Variants in CATSPERE observed in about 807,000 individuals in gnomAD.
CATSPERE encodes the protein cation channel sperm-associated auxiliary subunit epsilon.
CATSPERE carries 93 observed loss-of-function variants against 114.1 expected under a neutral mutation model. The observed-to-expected ratio is 0.81, with a 90% confidence interval of 0.69 to 0.97. CATSPERE has a LOEUF of 0.97. CATSPERE is among the 50% of genes least tolerant of loss of function. CATSPERE has a pLI of 0.00. For missense variants in CATSPERE, 1,058 were observed against 1,131.6 expected (o/e 0.93, Z 0.93); for synonymous variants, 341 against 384.1 (o/e 0.89, Z 1.31).
chr1:244,462,761 G>C (rs572449284), intron 1 of CATSPERE, among the ~76,000 whole-genome samples: 1 of 152,034 alleles, frequency 6.6e-6, no homozygotes. Flanking sequence ...ACTGATTTCC[G>C]TTAAACATAA....
At chr1:244,584,621 C>T (rs1311603853) in intron 13 of CATSPERE, among the ~76,000 whole-genome samples, 5 of 152,058 alleles carry the variant, frequency 3.3e-5, no homozygotes, top group Non-Finnish European at 7.4e-5. Flanking sequence ...CACGTCTCCT[C>T]TCTCTATTAC....
chr1:244,627,103 T>C (rs1311246469), intron 20 of CATSPERE, among the ~76,000 whole-genome samples: 1 of 152,130 alleles, frequency 6.6e-6, no homozygotes, highest in Non-Finnish European at 1.5e-5. Context: ...AGGTTATTAA[T>C]TGGTCTAACT....
intron 21 of CATSPERE, among the ~76,000 whole-genome samples, chr1:244,637,863 A>G (rs1180997888): frequency 6.6e-6 from 1 of 152,252 alleles, no homozygotes; most frequent in Non-Finnish European, 1.5e-5. Flanking sequence ...ATTAGAAACC[A>G]TCAGACAGGA....
chr1:244,639,976 C>T lies in CATSPERE; in HGVS notation c.2751C>T (p.Leu917=), dbSNP rs1675161224. The change falls in exon 22 of 22, where the codon CTC becomes CTT. Residue 917 remains leucine, a synonymous_variant. Transcript: ENST00000366534. Reference sequence around the variant, plus strand: ...CTTTCCTCTTCGTCCTGATGCTGCTCTTCTTCACTATTCTTGTTTTGAGCT... The same window carrying T: ...CTTTCCTCTTCGTCCTGATGCTGCTTTTCTTCACTATTCTTGTTTTGAGCT... The part of the protein sequence containing the change: ...VASFLFVLML[L]FFTILVLSYF... 7.1e-6 allele frequency: 11 copies of T among 1,549,042 alleles called. No homozygotes were observed. The highest frequency in any genetic ancestry group is 9.6e-6 in the Non-Finnish European group (11 of 1,146,358).
chr1:244,561,966 A>G (rs1424683313), intron 10 of CATSPERE, among the ~76,000 whole-genome samples: 2 of 152,018 alleles, frequency 1.3e-5, no homozygotes, highest in Non-Finnish European at 2.9e-5. Flanking sequence ...AGCCTGTGCA[A>G]CATGGTGAGA....
chr1:244,553,620 C>CACACACACACACACACATATAT (rs1558484922), intron 9 of CATSPERE, among the ~76,000 whole-genome samples: 2 of 139,198 alleles, frequency 1.4e-5, no homozygotes, highest in African/African-American at 6.0e-5. Flanking sequence ...CACACACACA[C>CACACACACACACACACATATAT]ACACACACAC....
At chr1:244,462,219 A>G (rs1350289242) in intron 1 of CATSPERE, among the ~76,000 whole-genome samples, 1 of 152,176 alleles carries the variant, frequency 6.6e-6, no homozygotes, top group African/African-American at 2.4e-5. Context: ...GAGATATAAC[A>G]GTGCCCTTTT....
At chr1:244,502,490 G>C (rs1674204775) in intron 7 of CATSPERE, among the ~76,000 whole-genome samples, 1 of 151,996 alleles carries the variant, frequency 6.6e-6, no homozygotes, top group Admixed American at 6.6e-5. Context: ...CTTTATATTT[G>C]TTCTGCCTGT....
At chr1:244,491,434 C>T (rs1173813144) in intron 6 of CATSPERE, among the ~76,000 whole-genome samples, 2 of 151,814 alleles carry the variant, frequency 1.3e-5, no homozygotes, top group Admixed American at 1.3e-4. Context: ...CTCTGGGACA[C>T]ATTCAAAGCA....
At position 244,489,450 on chromosome 1, in the gene CATSPERE, A is replaced by ATTTTTTTTTTTTTT. The variant is rs10524749; in HGVS notation, c.327-979_327-966dup. On this transcript the variant is annotated intron_variant, in intron 5 of 21. Transcript: ENST00000366534. ...CTTGCAGTATTAAGGAAGCATGCAGATTTTTTTTTTTTTTTTTTTTTTTTT... is the reference window on the plus strand; with the variant it reads ...CTTGCAGTATTAAGGAAGCATGCAGATTTTTTTTTTTTTTTTTTTTTTTTTTTTTTTTTTTTTTT... 9.3e-5 allele frequency among the ~76,000 whole-genome samples: 8 copies of ATTTTTTTTTTTTTT among 85,566 alleles called. 1 individual carries two copies. The highest frequency in any genetic ancestry group is 3.2e-4 in the African/African-American group (7 of 22,122). The allele number at this position is 85,566 out of a possible 152,430, so 56.1% of individuals were successfully genotyped here.
intron 18 of CATSPERE, 145 bp from the exon 19 acceptor site, chr1:244,610,095 T>G: frequency 3.5e-6 from 2 of 575,538 alleles, no homozygotes; most frequent in South Asian, 5.2e-5. Flanking sequence ...CAATTGTCAA[T>G]TATTCCTCTG....
chr1:244,556,512 T>A (rs1035152988), intron 9 of CATSPERE, among the ~76,000 whole-genome samples: 5 of 152,140 alleles, frequency 3.3e-5, no homozygotes, highest in African/African-American at 1.2e-4. Context: ...ACATTTTTAT[T>A]TAGAAGCCCA....
At position 244,615,683 on chromosome 1, in the gene CATSPERE, A is replaced by G. The variant is rs1208016782; in HGVS notation, c.2491-1846A>G. ...GTCAGTGACCAAAACATTGCTATGC[A>G]GTACATGACTGTAATTGATTATTGG... On this transcript the variant is annotated intron_variant, in intron 19 of 21. Transcript: ENST00000366534. Among the ~76,000 whole-genome samples, 4 of 152,192 alleles carry G rather than the reference A, an allele frequency of 2.6e-5. No homozygotes were observed. In the East Asian group the frequency reaches 5.8e-4, roughly 22 times the overall value.
intron 8 of CATSPERE, among the ~76,000 whole-genome samples, chr1:244,548,619 C>A (rs1660125914): frequency 6.6e-6 from 1 of 152,216 alleles, no homozygotes; most frequent in South Asian, 2.1e-4. Context: ...CAAAGCATTT[C>A]TTTTCAAAGC....
intron 4 of CATSPERE, among the ~76,000 whole-genome samples, chr1:244,478,910 C>G (rs1669790768): frequency 2.0e-5 from 3 of 150,798 alleles, no homozygotes; most frequent in African/African-American, 7.3e-5. Context: ...CACCTGTAAT[C>G]CCAGCTACTC....
chr1:244,537,383 T>C (rs770676808), intron 8 of CATSPERE, among the ~76,000 whole-genome samples: 1 of 152,240 alleles, frequency 6.6e-6, no homozygotes, highest in Non-Finnish European at 1.5e-5. Context: ...CATTTAGTCA[T>C]GGTGTGCAAT....
chr1:244,613,213 G>C (rs1670963408), intron 19 of CATSPERE, among the ~76,000 whole-genome samples: 2 of 152,036 alleles, frequency 1.3e-5, no homozygotes, highest in South Asian at 4.1e-4. Context: ...TAACTTGGTA[G>C]GACAAGTTTC....
At chr1:244,451,889 G>T (rs1325171378), upstream of CATSPERE, 5 of 1,393,078 alleles carry the variant, frequency 3.6e-6, no homozygotes, top group East Asian at 2.6e-5. This position sits in a 1 kb window ranked among gnomAD's most constrained non-coding sequence, Gnocchi z 6.6. Flanking sequence ...ACTGCTCTGC[G>T]GCCGCCAGCC....
At chr1:244,601,732 C>A (rs572252150) in intron 17 of CATSPERE, among the ~76,000 whole-genome samples, 1 of 152,202 alleles carries the variant, frequency 6.6e-6, no homozygotes, top group African/African-American at 2.4e-5. Context: ...GTGGGCGGAT[C>A]ACTTGAGGTC....
Sources: gnomAD v4.1 joint callset for allele counts (sites outside exome capture counted in the v4.1 genomes callset) on GRCh38, gnomAD v4.1.1 for gene constraint, Gnocchi (gnomAD v3.1) non-coding constraint, MANE v1.5 for transcripts, NCBI Gene and HGNC (gene_info 2026-07-23, HGNC 2026-07-21) for gene names.